The following DNM2 variants were observed in gnomAD, a reference collection of about 807,000 sequenced individuals.
DNM2 encodes dynamin 2, also known as dynamin-2.
Under a neutral mutation model 99.0 loss-of-function variants are expected in DNM2, and 15 were observed. That is an observed-to-expected ratio of 0.15 (90% CI 0.10 to 0.23). The LOEUF is 0.23. Among genes scored for constraint, DNM2 ranks in the 10% least tolerant of loss-of-function variants. The pLI is 1.00. For missense variants in DNM2, 742 were observed against 1,189.4 expected, an observed-to-expected ratio of 0.62 and a Z score of 5.53; for synonymous variants, 525 against 481.2, an observed-to-expected ratio of 1.09 and a Z score of -1.19.
intron 1 of DNM2, among the ~76,000 whole-genome samples, chr19:10,753,144 A>T (rs2145821386): frequency 6.6e-6 from 1 of 152,236 alleles, no homozygotes; most frequent in South Asian, 2.1e-4. Context: ...GAAATCAAAA[A>T]GGTTAATAAT....
At chr19:10,756,195 G>A (rs1419637779) in intron 1 of DNM2, among the ~76,000 whole-genome samples, 1 of 152,106 alleles carries the variant, frequency 6.6e-6, no homozygotes, top group Admixed American at 6.5e-5. Context: ...GGGGGCGCCC[G>A]CTCGCTGTTT....
At chr19:10,739,567 C>T (rs993770717) in intron 1 of DNM2, among the ~76,000 whole-genome samples, 11 of 150,052 alleles carry the variant, frequency 7.3e-5, no homozygotes, top group African/African-American at 2.5e-4. Flanking sequence ...AAGATTCATC[C>T]ATGCTGGTTG....
chr19:10,774,728 C>CTTTTTTTTTTTTTTTT (rs34413054), intron 3 of DNM2, among the ~76,000 whole-genome samples: 4 of 121,456 alleles, frequency 3.3e-5, no homozygotes, highest in African/African-American at 1.3e-4. Context: ...TTGGCCTATG[C>CTTTTTTTTTTTTTTTT]TTTTTTTTTT....
intron 8 of DNM2, among the ~76,000 whole-genome samples, chr19:10,794,469 C>T (rs1364594160): frequency 6.6e-6 from 1 of 151,830 alleles, no homozygotes; most frequent in Non-Finnish European, 1.5e-5. Context: ...AGGAGCAAGA[C>T]CAAATGCAGT....
intron 1 of DNM2, among the ~76,000 whole-genome samples, chr19:10,739,558 A>G (rs2069661931): frequency 6.6e-6 from 1 of 152,052 alleles, no homozygotes; most frequent in Non-Finnish European, 1.5e-5. Context: ...CATGTTTTCA[A>G]GATTCATCCA....
intron 1 of DNM2, among the ~76,000 whole-genome samples, chr19:10,744,806 C>G (rs1330497501): frequency 6.6e-6 from 1 of 152,144 alleles, no homozygotes; most frequent in African/African-American, 2.4e-5. Flanking sequence ...ACTCACCAGG[C>G]TGGCTGGGGT....
chr19:10,758,307 C>T (rs375310956), intron 1 of DNM2, among the ~76,000 whole-genome samples: 2,573 of 92,700 alleles, frequency 0.028, 31 homozygotes, highest in Middle Eastern at 0.096. Context: ...CCCTCCTTCC[C>T]TCCCTCCTTC....
intron 4 of DNM2, among the ~76,000 whole-genome samples, chr19:10,776,480 C>G (rs1409156434): frequency 6.6e-6 from 1 of 151,916 alleles, no homozygotes; most frequent in African/African-American, 2.4e-5. Flanking sequence ...AATTGGCACC[C>G]ACCAGAGATC....
At position 10,772,640 on chromosome 19, in the gene DNM2, G is replaced by A. The variant is rs373215514; in HGVS notation, c.385+12G>A. 8.7e-6 allele frequency: 14 copies of A among 1,613,842 alleles called. No homozygotes were observed. The highest frequency in any genetic ancestry group is 2.2e-5 in the East Asian group (1 of 44,892). ...CTACTCGCCACACGGTAGGCAGCAC[G>A]GGTGGGGACCCATCACTGACCGTTT... On this transcript the variant is annotated intron_variant, in intron 3 of 20. Transcript: ENST00000389253. This position sits in a 1 kb window ranked among gnomAD's most constrained non-coding sequence, Gnocchi z 4.9.
chr19:10,731,177 G>A (rs1406277700), intron 1 of DNM2, among the ~76,000 whole-genome samples: 11 of 152,014 alleles, frequency 7.2e-5, no homozygotes, highest in Non-Finnish European at 1.5e-4. Flanking sequence ...CCCCCAGGGC[G>A]GATCAGGGAG....
In DNM2 at chr19:10,746,727, G is replaced by GTTTTTTTTTTTTTTTTTTTTTTTTTT. The variant is rs757494612; in HGVS notation, c.162-13005_162-13004insTTTTTTTTTTTTTTTTTTTTTTTTTT. The stretch of plus-strand genomic sequence containing the variant: ...GAGCAACCGTGCCGGCTTTTTTTTT[G>GTTTTTTTTTTTTTTTTTTTTTTTTTT]TTTTTTGTTTTTTTTTTTTTTGAGA... On this transcript the variant is annotated intron_variant, in intron 1 of 20. Coordinates refer to ENST00000389253, the MANE Select transcript of DNM2 (RefSeq NM_001005361.3). 2.6e-5 allele frequency among the ~76,000 whole-genome samples: 3 copies of GTTTTTTTTTTTTTTTTTTTTTTTTTT among 116,210 alleles called. 1 individual carries two copies. Among genetic ancestry groups the GTTTTTTTTTTTTTTTTTTTTTTTTTT allele is most frequent in the African/African-American group, 6.9e-5 (2 of 28,894 alleles). 76.2% of individuals were successfully genotyped at this position (116,210 alleles called of 152,430 possible).
chr19:10,824,600 T>G, intron 17 of DNM2: 3 of 192,616 alleles, frequency 1.6e-5, no homozygotes, highest in East Asian at 1.4e-4. Flanking sequence ...GGCCCAGGAG[T>G]TCGAAAACAG....
intron 1 of DNM2, among the ~76,000 whole-genome samples, chr19:10,745,178 G>A (rs189149364): frequency 6.6e-6 from 1 of 152,154 alleles, no homozygotes; most frequent in African/African-American, 2.4e-5. Flanking sequence ...CATCCCCCAC[G>A]CATAATCCAG....
At chr19:10,729,290 G>A (rs929164065) in intron 1 of DNM2, among the ~76,000 whole-genome samples, 15 of 152,086 alleles carry the variant, frequency 9.9e-5, no homozygotes, top group African/African-American at 3.6e-4. Context: ...GATCCGAGGT[G>A]GAGGTTGCAG....
chr19:10,788,310 G>A (rs1246784028), intron 7 of DNM2, among the ~76,000 whole-genome samples: 1 of 152,184 alleles, frequency 6.6e-6, no homozygotes, highest in African/African-American at 2.4e-5. Context: ...AGCCGTGTGG[G>A]ATTAAGCCCG....
At chr19:10,823,993 GT>G in intron 17 of DNM2, 94 bp downstream of exon 17, 1 of 1,219,428 alleles carries the variant, frequency 8.2e-7, no homozygotes, top group Non-Finnish European at 1.2e-6. Flanking sequence ...TTCAGGCCAT[GT>G]TAGCCAGGAG....
intron 1 of DNM2, among the ~76,000 whole-genome samples, chr19:10,753,701 C>A (rs1347853607): frequency 6.6e-6 from 1 of 150,642 alleles, no homozygotes; most frequent in African/African-American, 2.4e-5. Flanking sequence ...CTTTGTTGTG[C>A]AAGCTGGTGC....
intron 1 of DNM2, 67 bp downstream of exon 1, chr19:10,718,470 G>C: frequency 7.7e-7 from 1 of 1,291,900 alleles, no homozygotes; most frequent in Non-Finnish European, 9.8e-7. Flanking sequence ...ACCGGGAATG[G>C]CGCGCCGTGC....
intron 1 of DNM2, among the ~76,000 whole-genome samples, chr19:10,738,631 G>T (rs2069620155): frequency 6.6e-6 from 1 of 152,146 alleles, no homozygotes; most frequent in Non-Finnish European, 1.5e-5. Flanking sequence ...GGAGGTTGAG[G>T]CGGGTGGATC....
Sources: gnomAD v4.1 joint callset for allele counts (sites outside exome capture counted in the v4.1 genomes callset) on GRCh38, gnomAD v4.1.1 for gene constraint, Gnocchi (gnomAD v3.1) non-coding constraint, MANE v1.5 for transcripts, NCBI Gene and HGNC (gene_info 2026-07-23, HGNC 2026-07-21) for gene names.